Variants in CFAP100 observed in about 807,000 individuals in gnomAD.
The protein encoded by CFAP100 is cilia- and flagella-associated protein 100.
Under a neutral mutation model 81.5 loss-of-function variants are expected in CFAP100, and 70 were observed. The observed-to-expected ratio is 0.86, with a 90% CI of 0.71 to 1.05. CFAP100 has a LOEUF of 1.05. Ranked by LOEUF, CFAP100 falls within the 50% of genes least tolerant of loss-of-function variation. CFAP100 has a pLI of 0.00. For missense variants in CFAP100, 811 were observed against 776.5 expected (o/e 1.04, Z -0.53); for synonymous variants, 341 against 314.8 (o/e 1.08, Z -0.88).
chr3:126,423,519 C>T lies in CFAP100; in HGVS notation c.1161C>T (p.Pro387=). 1 of 1,614,174 alleles carries T rather than the reference C, an allele frequency of 6.2e-7. No homozygotes were observed. Among genetic ancestry groups the T allele is most frequent in the Non-Finnish European group, 8.5e-7 (1 of 1,180,030 alleles). Residue 387 remains proline (P), a synonymous_variant, in exon 13 of 17, where the codon CCC becomes CCT. Transcript: ENST00000352312. ...GEEPQLYFTE[P]QQLLDVFREL... is the part of the protein sequence containing the mutation. Reference sequence around the variant, plus strand: ...AACCACAGCTGTACTTCACGGAGCCCCAGCAGCTCCTGGATGTCTTCCGAG... The same window carrying T: ...AACCACAGCTGTACTTCACGGAGCCTCAGCAGCTCCTGGATGTCTTCCGAG...
intron 3 of CFAP100, among the ~76,000 whole-genome samples, chr3:126,408,680 G>A (rs975871660): frequency 2.6e-5 from 4 of 152,170 alleles, no homozygotes; most frequent in African/African-American, 4.8e-5. Flanking sequence ...GGCAGCACCC[G>A]CATCTGCTGT....
intron 7 of CFAP100, 52 bp from the exon 8 acceptor site, chr3:126,419,024 C>T: frequency 8.6e-7 from 1 of 1,161,420 alleles, no homozygotes. Context: ...CTTTAATAGG[C>T]TGCCACTGGC....
chr3:126,426,864 T>C (rs1312588463), intron 13 of CFAP100, among the ~76,000 whole-genome samples: 1 of 152,240 alleles, frequency 6.6e-6, no homozygotes, highest in Non-Finnish European at 1.5e-5. Flanking sequence ...CTTTCTCATA[T>C]ACCAGTAATG....
intron 3 of CFAP100, 84 bp from the exon 4 acceptor site, chr3:126,414,001 T>C: frequency 1.1e-6 from 1 of 871,084 alleles, no homozygotes; most frequent in Non-Finnish European, 2.0e-6. Context: ...CATGCTGGGC[T>C]GGGAAGGCAG....
At position 126,416,434 on chromosome 3, in the gene CFAP100, T is replaced by G; in HGVS notation, c.344T>G (p.Leu115Arg). Residue 115 changes from leucine (L) to arginine (R), a missense_variant, in exon 5 of 17, where the codon CTG becomes CGG. Coordinates refer to ENST00000352312, the MANE Select transcript of CFAP100 (RefSeq NM_182628.3). The part of the protein sequence containing the change: ...QLQLEDKQED[L>R]EARAEAEHQR... The stretch of plus-strand genomic sequence containing the variant: ...CAGCTGGAGGACAAGCAGGAGGACC[T>G]GGAGGCGCGCGCCGAGGCCGAGCAT... 6.2e-7 allele frequency: 1 copy of G among 1,611,262 alleles called. No homozygotes were observed. The highest frequency in any genetic ancestry group is 8.5e-7 in the Non-Finnish European group (1 of 1,179,236).
At chr3:126,401,397 T>TTATATATATATATA (rs58055481) in intron 2 of CFAP100, among the ~76,000 whole-genome samples, 8 of 76,208 alleles carry the variant, frequency 1.0e-4, no homozygotes, top group East Asian at 5.2e-4. Context: ...AAATCGTATT[T>TTATATATATATATA]TATATATATA....
intron 5 of CFAP100, 119 bp from the exon 6 acceptor site, chr3:126,418,339 A>G (rs1477644075): frequency 1.2e-6 from 1 of 802,042 alleles, no homozygotes; most frequent in Non-Finnish European, 2.1e-6. Flanking sequence ...CCCGGTAGTC[A>G]CCTGGGCGTG....
intron 13 of CFAP100, among the ~76,000 whole-genome samples, chr3:126,427,938 C>A (rs1015533945): frequency 2.6e-5 from 4 of 152,064 alleles, no homozygotes; most frequent in Non-Finnish European, 4.4e-5. Context: ...TGGGGAGGTG[C>A]CACACACTTT....
chr3:126,408,851 C>T (rs781151419), intron 3 of CFAP100, among the ~76,000 whole-genome samples: 9 of 152,162 alleles, frequency 5.9e-5, no homozygotes, highest in Admixed American at 1.3e-4. Context: ...TGCAGTCGTT[C>T]GATCACAGCT....
intron 13 of CFAP100, among the ~76,000 whole-genome samples, chr3:126,432,203 C>T (rs922468390): frequency 5.6e-5 from 8 of 142,294 alleles, no homozygotes; most frequent in East Asian, 4.4e-4. Context: ...GGTGTGAACC[C>T]GGGAGGCGGA....
Position 126,436,505 on chromosome 3 carries a change from C to A in CFAP100, c.*101C>A. Reference sequence around the variant, plus strand: ...CTCGAGTGGCCCAACTGAGTCCTCTCTGTCTCCTGTGTGCTCCCTTCCTCA... The same window carrying A: ...CTCGAGTGGCCCAACTGAGTCCTCTATGTCTCCTGTGTGCTCCCTTCCTCA... On this transcript the variant is annotated 3_prime_UTR_variant, in exon 17 of 17. Transcript: ENST00000352312. The A allele has an allele frequency of 1.3e-6, 1 of 785,384 alleles. No individual in the cohort carries two copies. The highest frequency in any genetic ancestry group is 1.6e-5 in the South Asian group (1 of 62,432). The allele number at this position is 785,384 out of a possible 1,614,324, so 48.7% of individuals were successfully genotyped here.
intron 5 of CFAP100, 124 bp downstream of exon 5, chr3:126,416,632 CGGAAAGGCCTG>C: frequency 1.5e-5 from 12 of 814,312 alleles, no homozygotes; most frequent in Non-Finnish European, 2.3e-5. Context: ...TCAAGTGCTT[CGGAAAGGCCTG>C]CCCTTTCTGT....
chr3:126,419,951 C>T, intron 9 of CFAP100, 29 bp from the exon 10 acceptor site: 6 of 1,612,868 alleles, frequency 3.7e-6, no homozygotes, highest in Non-Finnish European at 5.1e-6. Flanking sequence ...CAGCTGAGGC[C>T]ATCGGGGCCC....
rs773072657 is a variant in CFAP100 at position 126,436,512 on chromosome 3, C to A, written c.*108C>A. ...GGCCCAACTGAGTCCTCTCTGTCTC[C>A]TGTGTGCTCCCTTCCTCACCTGAAT... On this transcript the variant is annotated 3_prime_UTR_variant, in exon 17 of 17. Transcript: ENST00000352312. 4.5e-5 allele frequency: 33 copies of A among 732,712 alleles called. 1 individual carries two copies. The highest frequency in any genetic ancestry group is 3.7e-4 in the South Asian group (22 of 60,056). 45.4% of individuals were successfully genotyped at this position (732,712 alleles called of 1,614,324 possible).
At chr3:126,420,077 G>C (rs374555935) in intron 10 of CFAP100, 26 bp from the exon 11 acceptor site, 1 of 1,613,250 alleles carries the variant, frequency 6.2e-7, no homozygotes. Context: ...CACAGGGCTC[G>C]GAAACTATTC....
chr3:126,420,185 G>A lies in CFAP100; in HGVS notation c.1038G>A (p.Gln346=), dbSNP rs2083307025. 1.2e-6 allele frequency: 2 copies of A among 1,612,828 alleles called. No homozygotes were observed. Among genetic ancestry groups the A allele is most frequent in the Non-Finnish European group, 1.7e-6 (2 of 1,180,010 alleles). ...GRSPSYLSSP[Q]QGSQPSESSG... ...GCCCGTCTTACCTGAGCAGCCCCCA[G>A]CAAGGCAGCCAGCCCAGCGAGTCCA... The change falls in exon 11 of 17, where the codon CAG becomes CAA. Residue 346 remains glutamine, a synonymous_variant. Transcript: ENST00000352312.
At chr3:126,435,275 G>A (rs1484700125) in intron 15 of CFAP100, among the ~76,000 whole-genome samples, 1 of 151,456 alleles carries the variant, frequency 6.6e-6, no homozygotes, top group Non-Finnish European at 1.5e-5. Context: ...CCTCTGGGAG[G>A]GGTCTGCTGG....
chr3:126,436,115 G>C (rs1054521913), intron 16 of CFAP100, among the ~76,000 whole-genome samples, 176 bp from the exon 17 acceptor site: 1 of 152,204 alleles, frequency 6.6e-6, no homozygotes, highest in Non-Finnish European at 1.5e-5. Flanking sequence ...ATAAATGCCA[G>C]GCAGACTCAC....
At chr3:126,436,195 C>T in intron 16 of CFAP100, 96 bp from the exon 17 acceptor site, 2 of 872,298 alleles carry the variant, frequency 2.3e-6, no homozygotes, top group Non-Finnish European at 3.7e-6. Flanking sequence ...CTGGAGGTGA[C>T]TGGAGCTGCT....
Sources: allele counts gnomAD v4.1 joint callset (sites outside exome capture counted in the v4.1 genomes callset), GRCh38; gene constraint gnomAD v4.1.1; transcripts MANE v1.5; gene names NCBI Gene and HGNC (gene_info 2026-07-23, HGNC 2026-07-21).